CD99L2: variants seen among roughly 807,000 people sequenced by gnomAD.
The protein encoded by CD99L2 is CD99 antigen-like protein 2.
CD99L2 carries 24 observed loss-of-function variants against 27.3 expected under a neutral mutation model. The ratio of observed to expected loss-of-function variants is 0.88; its 90% CI spans 0.64 to 1.24. CD99L2 has a LOEUF of 1.24. Ranked by LOEUF, CD99L2 falls within the 50% of genes most tolerant of loss-of-function variation. The pLI is 0.00. For synonymous variants in CD99L2, 97 were observed against 87.9 expected (o/e 1.10, Z -0.58); for missense variants, 255 against 221.6 (o/e 1.15, Z -0.96).
intron 4 of CD99L2, among the ~76,000 whole-genome samples, chrX:150,802,208 T>C (rs1302052119): frequency 8.9e-6 from 1 of 111,938 alleles, no homozygotes; most frequent in Non-Finnish European, 1.9e-5. Flanking sequence ...TTCAACAATA[T>C]TGATCACATA....
chrX:150,887,600 G>A (rs1477920132), intron 1 of CD99L2, among the ~76,000 whole-genome samples: 1 of 111,341 alleles, frequency 9.0e-6, no homozygotes, highest in Admixed American at 9.5e-5. Context: ...CCTACACTCA[G>A]CAAGCTCCTC....
rs782341744 is a variant in CD99L2 at position 150,804,282 on chromosome X, T to C, written c.278-8796A>G. Among the ~76,000 whole-genome samples, 3 of 111,989 alleles carry C rather than the reference T, an allele frequency of 2.7e-5. No individual in the cohort carries two copies. In the South Asian group the frequency reaches 1.1e-3, roughly 42 times the overall value. On this transcript the variant is annotated intron_variant, in intron 4 of 10. Transcript: ENST00000370377. ...TGGAAAATTCACAAATGTGTGGAAA[T>C]TGAACAACATTCTCCTGAACAACCA...
chrX:150,767,586 G>T lies in CD99L2; in HGVS notation c.*1448C>A, dbSNP rs1557418705. 9.0e-6 allele frequency: 1 copy of T among 111,703 alleles called. No individual in the cohort carries two copies. Among genetic ancestry groups the T allele is most frequent in the South Asian group, 3.8e-4 (1 of 2,646 alleles). The allele number at this position is 111,703 out of a possible 1,213,427, so 9.2% of individuals were successfully genotyped here. A position where few individuals can be genotyped will look rare whatever the true frequency, so the allele number is the denominator to read the frequency against. On this transcript the variant is annotated 3_prime_UTR_variant, in exon 11 of 11. Transcript: ENST00000370377. ...GCATGCGTTAGACAGATGCATGTGGGGGCTGCAGATTCCAGTGGTTTCCTT... is the reference window on the plus strand; with the variant it reads ...GCATGCGTTAGACAGATGCATGTGGTGGCTGCAGATTCCAGTGGTTTCCTT...
chrX:150,782,177 A>G lies in CD99L2; in HGVS notation c.497-4695T>C, dbSNP rs185090405. Among the ~76,000 whole-genome samples, 938 of 112,820 alleles carry G rather than the reference A, an allele frequency of 8.3e-3. 8 individuals are homozygous for G. Among genetic ancestry groups the G allele is most frequent in the African/African-American group, 0.029 (887 of 31,055 alleles). ...TAATAGACATAGCTAGGGCTTTTAGATATTTTAGAAATGTATTTTCATTAT... is the reference window on the plus strand; with the variant it reads ...TAATAGACATAGCTAGGGCTTTTAGGTATTTTAGAAATGTATTTTCATTAT... On this transcript the variant is annotated intron_variant, in intron 7 of 10. Transcript: ENST00000370377.
At chrX:150,879,925 CAA>C (rs782555339) in intron 1 of CD99L2, among the ~76,000 whole-genome samples, 3 of 27,325 alleles carry the variant, frequency 1.1e-4, no homozygotes, top group African/African-American at 1.4e-4. Flanking sequence ...ACCCTGTCTC[CAA>C]AAAAAAAAAA....
At chrX:150,851,090 C>T (rs1004581602) in intron 1 of CD99L2, among the ~76,000 whole-genome samples, 2 of 111,541 alleles carry the variant, frequency 1.8e-5, no homozygotes, top group African/African-American at 6.5e-5. Context: ...CTGCCTGCCT[C>T]GGCCTCCCAA....
At chrX:150,846,559 G>A (rs1375868408) in intron 1 of CD99L2, among the ~76,000 whole-genome samples, 4 of 112,203 alleles carry the variant, frequency 3.6e-5, no homozygotes, top group Non-Finnish European at 7.5e-5. Flanking sequence ...ATGTGACATA[G>A]GAATCCCTCA....
At chrX:150,877,959 T>TACAC (rs72172934) in intron 1 of CD99L2, among the ~76,000 whole-genome samples, 4,237 of 82,990 alleles carry the variant, frequency 0.051, 255 homozygotes, top group African/African-American at 0.15. Context: ...CTCAAACACA[T>TACAC]ACACACACAC....
intron 4 of CD99L2, among the ~76,000 whole-genome samples, chrX:150,796,115 C>T (rs1557419903): frequency 8.9e-6 from 1 of 112,109 alleles, no homozygotes; most frequent in African/African-American, 3.2e-5. Context: ...TAACTGTTCC[C>T]ACTATTGAAG....
intron 4 of CD99L2, among the ~76,000 whole-genome samples, chrX:150,813,899 A>G (rs897222685): frequency 4.5e-5 from 5 of 112,228 alleles, no homozygotes; most frequent in African/African-American, 1.6e-4. Context: ...GAGCCTGTCA[A>G]TTTAAAGAAA....
Position 150,769,035 on chromosome X carries a change from C to G in CD99L2, c.788G>C (p.Ter263SerextTer41). The G allele has an allele frequency of 8.7e-7, 1 of 1,148,485 alleles. No homozygotes were observed. The highest frequency in any genetic ancestry group is 1.1e-6 in the Non-Finnish European group (1 of 872,829). The allele number at this position is 1,148,485 out of a possible 1,213,427, so 94.6% of individuals were successfully genotyped here. ...CATGCCTGCAGCTGGACAGGGCCCTCAGATCCGGGCTGGTTCGGGCGGCGG... is the reference window on the plus strand; with the variant it reads ...CATGCCTGCAGCTGGACAGGGCCCTGAGATCCGGGCTGGTTCGGGCGGCGG... The part of the protein sequence containing the change: ...PPPPPEPARI[*>S] Residue 263 changes from the stop codon to serine, a stop_lost, in exon 11 of 11, where the codon TGA becomes TCA. Coordinates refer to ENST00000370377, the MANE Select transcript of CD99L2 (RefSeq NM_031462.4).
intron 10 of CD99L2, among the ~76,000 whole-genome samples, chrX:150,769,564 C>T (rs2043377151): frequency 8.9e-6 from 1 of 112,371 alleles, no homozygotes; most frequent in South Asian, 3.7e-4. Flanking sequence ...CACCTGGCTC[C>T]CAGTACACAC....
chrX:150,821,497 C>CA lies in CD99L2; in HGVS notation c.131-5420dup, dbSNP rs782367047. ...CTGGACCACTACTTCTCACCATATA[C>CA]AAAAATTAACTCAAATGGACCAAAC... On this transcript the variant is annotated intron_variant, in intron 2 of 10. Coordinates refer to ENST00000370377, the MANE Select transcript of CD99L2 (RefSeq NM_031462.4). Among the ~76,000 whole-genome samples the CA allele has an allele frequency of 4.5e-5, 5 of 111,858 alleles. No homozygotes were observed. The South Asian group carries it at 1.9e-3, about 41-fold the overall frequency.
At chrX:150,824,089 GA>G (rs781872435) in intron 2 of CD99L2, among the ~76,000 whole-genome samples, 1 of 77,289 alleles carries the variant, frequency 1.3e-5, no homozygotes. Flanking sequence ...GGAAGAAGAA[GA>G]AAGAAGAAGG....
chrX:150,831,261 C>T lies in CD99L2; in HGVS notation c.100G>A (p.Asp34Asn). 1 of 1,204,225 alleles carries T rather than the reference C, an allele frequency of 8.3e-7. No individual in the cohort carries two copies. Among genetic ancestry groups the T allele is most frequent in the South Asian group, 1.8e-5 (1 of 55,578 alleles). ...SGDFDDFNLE[D>N]AVKETSSVKQ... ...ACTGAGGAAGTTTCTTTCACTGCAT[C>T]CTCCAGGTTAAAATCATCAAAGTCC... The change falls in exon 2 of 11, where the codon GAT becomes AAT. Residue 34 changes from aspartate (D) to asparagine (N), a missense_variant. Coordinates refer to ENST00000370377, the MANE Select transcript of CD99L2 (RefSeq NM_031462.4).
rs143899831 is a variant in CD99L2 at position 150,854,640 on chromosome X, C to T, written c.68-23347G>A. The stretch of plus-strand genomic sequence containing the variant: ...GCTATCTTGGGCATTTGAACACAGA[C>T]GCACACAGAGAGAGAAGACAATGTG... On this transcript the variant is annotated intron_variant, in intron 1 of 10. Transcript: ENST00000370377. Among the ~76,000 whole-genome samples, 526 of 111,208 alleles carry T rather than the reference C, an allele frequency of 4.7e-3. 2 individuals carry two copies. The highest frequency in any genetic ancestry group is 9.3e-3 in the Middle Eastern group (2 of 214).
At chrX:150,843,661 T>C (rs1195341997) in intron 1 of CD99L2, among the ~76,000 whole-genome samples, 2 of 108,521 alleles carry the variant, frequency 1.8e-5, no homozygotes, top group Non-Finnish European at 1.9e-5. Context: ...AAAATAATAA[T>C]AATAATAATA....
At chrX:150,864,662 A>G (rs782639475) in intron 1 of CD99L2, among the ~76,000 whole-genome samples, 1 of 112,660 alleles carries the variant, frequency 8.9e-6, no homozygotes, top group East Asian at 2.8e-4. Context: ...ATATAGCAAC[A>G]CGAAGAGATC....
intron 2 of CD99L2, among the ~76,000 whole-genome samples, chrX:150,824,381 A>AAAGAAG (rs782780396): frequency 1.2e-5 from 1 of 86,636 alleles, no homozygotes; most frequent in Non-Finnish European, 2.3e-5. Context: ...GAAGAAGAAG[A>AAAGAAG]AAGAAGAAGA....
Sources: gnomAD v4.1 joint callset for allele counts (sites outside exome capture counted in the v4.1 genomes callset) on GRCh38, gnomAD v4.1.1 for gene constraint, MANE v1.5 for transcripts, NCBI Gene and HGNC (gene_info 2026-07-23, HGNC 2026-07-21) for gene names.